The following TBC1D8 variants were observed in gnomAD, a reference collection of about 807,000 sequenced individuals.
The protein encoded by TBC1D8 is TBC1 domain family member 8, also known as BUB2-like protein 1.
In TBC1D8, 65 loss-of-function variants were observed where a neutral mutation model predicts 118.8. The observed-to-expected ratio is 0.55, with a 90% CI of 0.45 to 0.67. The LOEUF is 0.67. Ranked by LOEUF, TBC1D8 falls within the 30% of genes least tolerant of loss-of-function variation. TBC1D8 has a pLI of 0.00. For missense variants in TBC1D8, 1,376 were observed against 1,471.2 expected (o/e 0.94, Z 1.06); for synonymous variants, 566 against 595.8 (o/e 0.95, Z 0.73).
intron 5 of TBC1D8, among the ~76,000 whole-genome samples, chr2:101,041,064 G>A (rs886281161): frequency 6.6e-6 from 1 of 152,226 alleles, no homozygotes; most frequent in Non-Finnish European, 1.5e-5. Flanking sequence ...AGGATGTGGG[G>A]AAATTGGAAC....
At chr2:101,073,932 G>A (rs182028134) in intron 2 of TBC1D8, among the ~76,000 whole-genome samples, 18 of 152,350 alleles carry the variant, frequency 1.2e-4, no homozygotes, top group African/African-American at 4.1e-4. Context: ...GAAGCAATAA[G>A]TCTGTTTTGC....
chr2:101,143,384 A>AAAGCAGG (rs1679196600), intron 1 of TBC1D8, among the ~76,000 whole-genome samples: 2 of 152,060 alleles, frequency 1.3e-5, no homozygotes, highest in Non-Finnish European at 2.9e-5. Flanking sequence ...TTTAAAGTAA[A>AAAGCAGG]AAGCAGGAAG....
At chr2:101,105,037 A>AC (rs1489616028) in intron 1 of TBC1D8, among the ~76,000 whole-genome samples, 1 of 151,908 alleles carries the variant, frequency 6.6e-6, no homozygotes, top group Non-Finnish European at 1.5e-5. Context: ...AAAAAAAAAA[A>AC]AAAAAAACTT....
rs761675069 is a variant in TBC1D8, at chr2:101,040,403, GAGA to G, written c.873-21_873-19del. ...CCAGGTCCCTGGGGAAGGACAGGGA[GAGA>G]AGAAGAAGAGATAGGAAAGGTGAAT... On this transcript the variant is annotated intron_variant, in intron 5 of 19. Coordinates refer to ENST00000409318, the MANE Select transcript of TBC1D8 (RefSeq NM_001330348.2). 2.5e-5 allele frequency: 39 copies of G among 1,573,782 alleles called. No homozygotes were observed. In the East Asian group the frequency reaches 5.4e-4, roughly 22 times the overall value.
At chr2:101,108,956 G>T (rs1335910191) in intron 1 of TBC1D8, among the ~76,000 whole-genome samples, 1 of 152,138 alleles carries the variant, frequency 6.6e-6, no homozygotes, top group African/African-American at 2.4e-5. Flanking sequence ...CAGGTATGGG[G>T]TATACCAGAA....
intron 3 of TBC1D8, among the ~76,000 whole-genome samples, chr2:101,058,762 A>G (rs191709422): frequency 9.3e-4 from 142 of 152,296 alleles, no homozygotes; most frequent in African/African-American, 3.4e-3. Context: ...CAAAAAAAAA[A>G]AAAAGGTGAT....
In TBC1D8 at chr2:101,037,616, C is replaced by T. The variant is rs1681098232; in HGVS notation, c.1368G>A (p.Glu456=). 1 of 1,613,814 alleles carries T rather than the reference C, an allele frequency of 6.2e-7. No homozygotes were observed. Among genetic ancestry groups the T allele is most frequent in the Non-Finnish European group, 8.5e-7 (1 of 1,179,914 alleles). ...MMSSQNSEES[E]KEKSPLMHPD... ...GGTGCATCAGCGGGCTCTTCTCTTT[C>T]TCACTCTCCTCGCTATTTTGAGAAG... Residue 456 remains glutamate (E), a synonymous_variant, in exon 8 of 20, where the codon GAG becomes GAA. Coordinates refer to ENST00000409318, the MANE Select transcript of TBC1D8 (RefSeq NM_001330348.2).
At chr2:101,107,857 G>A (rs1010729677) in intron 1 of TBC1D8, among the ~76,000 whole-genome samples, 9 of 152,168 alleles carry the variant, frequency 5.9e-5, no homozygotes, top group African/African-American at 2.2e-4. Flanking sequence ...ACCTCAGCCA[G>A]GTGATTGAGG....
chr2:101,054,082 G>C (rs1302365977), intron 4 of TBC1D8, 26 bp downstream of exon 4: 1 of 1,587,322 alleles, frequency 6.3e-7, no homozygotes, highest in East Asian at 2.3e-5. Flanking sequence ...ACTTTATCTT[G>C]GAAGAGCCTG....
intron 1 of TBC1D8, among the ~76,000 whole-genome samples, chr2:101,115,892 G>A (rs920061233): frequency 6.6e-6 from 1 of 152,080 alleles, no homozygotes; most frequent in Non-Finnish European, 1.5e-5. Context: ...TTACGCACAC[G>A]CCAGCAAGGC....
intron 17 of TBC1D8, among the ~76,000 whole-genome samples, chr2:101,018,630 CTG>C (rs147130620): frequency 3.5e-4 from 53 of 152,328 alleles, no homozygotes; most frequent in African/African-American, 1.3e-3. Flanking sequence ...GAGAGCCTAT[CTG>C]TGAATAAAAT....
chr2:101,079,716 T>C (rs571504727), intron 2 of TBC1D8, among the ~76,000 whole-genome samples: 9 of 144,776 alleles, frequency 6.2e-5, no homozygotes, highest in East Asian at 2.0e-4. Flanking sequence ...GACGGAGTCT[T>C]GCTCTGTCGC....
intron 15 of TBC1D8, among the ~76,000 whole-genome samples, chr2:101,025,338 C>T (rs759076398): frequency 1.2e-4 from 18 of 152,034 alleles, no homozygotes; most frequent in Non-Finnish European, 2.6e-4. Flanking sequence ...ACAATTCTCC[C>T]GCCTCAGCCA....
chr2:101,023,678 C>T (rs1680176014), intron 15 of TBC1D8: 1 of 412,928 alleles, frequency 2.4e-6, no homozygotes, highest in Admixed American at 3.4e-5. Flanking sequence ...ACTAACAAAA[C>T]CGGCCCCATC....
rs369910173 is a variant in TBC1D8, at chr2:101,032,277, G to A, written c.1927C>T (p.Arg643Ter). The change falls in exon 11 of 20, where the codon CGA becomes TGA. Residue 643 changes from arginine (R) to a stop codon, truncating the protein, a stop_gained. Coordinates refer to ENST00000409318, the MANE Select transcript of TBC1D8 (RefSeq NM_001330348.2). LOFTEE classifies it high-confidence loss of function. ...AAGGGGGTCTGTTTACCGATCACTCGGTGGTTGAAGTAATCGGGCAGCATC... is the reference window on the plus strand; with the variant it reads ...AAGGGGGTCTGTTTACCGATCACTCAGTGGTTGAAGTAATCGGGCAGCATC... ...ERMLPDYFNH[R>*]VIGAQVDQSV... 1.1e-5 allele frequency: 18 copies of A among 1,613,566 alleles called. No homozygotes were observed. Among genetic ancestry groups the A allele is most frequent in the African/African-American group, 2.7e-5 (2 of 74,882 alleles).
Position 101,033,728 on chromosome 2 carries a change from C to T in TBC1D8, c.1634G>A (p.Gly545Asp). 1 of 1,613,678 alleles carries T rather than the reference C, an allele frequency of 6.2e-7. No individual in the cohort carries two copies. Among genetic ancestry groups the T allele is most frequent in the African/African-American group, 1.3e-5 (1 of 74,984 alleles). ...CTCCTCCACCAGATTCCCGTAGTAACCAGGGTGTGAGGCAAGATCCGTCAC... is the reference window on the plus strand; with the variant it reads ...CTCCTCCACCAGATTCCCGTAGTAATCAGGGTGTGAGGCAAGATCCGTCAC... ...DAVTDLASHP[G>D]YYGNLVEESL... Residue 545 changes from glycine to aspartate, a missense_variant, in exon 10 of 20, where the codon GGT (glycine) becomes GAT (aspartate). Gly to Asp is a moderately conservative substitution (Grantham distance 94, BLOSUM62 -1). Coordinates refer to ENST00000409318, the MANE Select transcript of TBC1D8 (RefSeq NM_001330348.2).
intron 1 of TBC1D8, among the ~76,000 whole-genome samples, chr2:101,092,513 A>G (rs889276788): frequency 1.3e-5 from 2 of 151,952 alleles, no homozygotes; most frequent in African/African-American, 4.8e-5. Context: ...CTCACCAAAT[A>G]TTTCATTATT....
intron 1 of TBC1D8, among the ~76,000 whole-genome samples, chr2:101,140,996 A>G (rs1254694906): frequency 6.6e-6 from 1 of 152,010 alleles, no homozygotes; most frequent in South Asian, 2.1e-4. Flanking sequence ...CTCCGACCTC[A>G]GGTGATCCAC....
In TBC1D8 at chr2:101,007,543, C is replaced by T. The variant is rs1430977982; in HGVS notation, c.*278G>A. ...TGTTCATCTGAGAGCAAAATCAACA[C>T]TAGCATCACAGCAGAAGTGCCCATT... On this transcript the variant is annotated 3_prime_UTR_variant, in exon 20 of 20. Transcript: ENST00000409318. 7 of 411,538 alleles carry T rather than the reference C, an allele frequency of 1.7e-5. No homozygotes were observed. Among genetic ancestry groups the T allele is most frequent in the Non-Finnish European group, 3.1e-5 (7 of 227,954 alleles). 25.5% of individuals were successfully genotyped at this position (411,538 alleles called of 1,614,324 possible). A position where few individuals can be genotyped will look rare whatever the true frequency, so the allele number is the denominator to read the frequency against.
Sources: allele counts gnomAD v4.1 joint callset (sites outside exome capture counted in the v4.1 genomes callset), GRCh38; gene constraint gnomAD v4.1.1; transcripts MANE v1.5; gene names NCBI Gene and HGNC (gene_info 2026-07-23, HGNC 2026-07-21).